The following FAM162A variants were observed in gnomAD, a reference collection of about 807,000 sequenced individuals.
FAM162A encodes the protein protein FAM162A.
In FAM162A, 23 loss-of-function variants were observed where a neutral mutation model predicts 21.8. That is an observed-to-expected ratio of 1.05 (90% CI 0.76 to 1.49). FAM162A has a LOEUF of 1.49. FAM162A is among the 40% of genes most tolerant of loss of function. The pLI is 0.00. For missense variants in FAM162A, 165 were observed against 186.4 expected, an observed-to-expected ratio of 0.89 and a Z score of 0.67; for synonymous variants, 53 against 61.3, an observed-to-expected ratio of 0.86 and a Z score of 0.64.
chr3:122,408,383 C>T (rs2075686331), intron 4 of FAM162A, among the ~76,000 whole-genome samples: 1 of 152,156 alleles, frequency 6.6e-6, no homozygotes, highest in Non-Finnish European at 1.5e-5. Context: ...TCACAGCTTC[C>T]ATGTGGAAAG....
At chr3:122,386,111 T>A (rs1197558258) in intron 1 of FAM162A, among the ~76,000 whole-genome samples, 2 of 152,216 alleles carry the variant, frequency 1.3e-5, no homozygotes, top group African/African-American at 4.8e-5. Context: ...TTGTCATGAC[T>A]AATTGGATCT....
chr3:122,410,003 C>T lies in FAM162A; in HGVS notation c.*172C>T. The T allele has an allele frequency of 1.5e-6, 1 of 682,646 alleles. No individual in the cohort carries two copies. Among genetic ancestry groups the T allele is most frequent in the Non-Finnish European group, 2.6e-6 (1 of 377,502 alleles). 42.3% of individuals were successfully genotyped at this position (682,646 alleles called of 1,614,324 possible). A position where few individuals can be genotyped will look rare whatever the true frequency, so the allele number is the denominator to read the frequency against. ...AGAAATAAATTTTCTTAAATAATGA[C>T]TGTGTTTTATTGTTTTGATCCAAGT... On this transcript the variant is annotated 3_prime_UTR_variant, in exon 5 of 5. Coordinates refer to ENST00000477892, the MANE Select transcript of FAM162A (RefSeq NM_014367.4).
intron 1 of FAM162A, among the ~76,000 whole-genome samples, chr3:122,393,872 TC>T (rs2075615369): frequency 1.3e-5 from 2 of 152,186 alleles, no homozygotes; most frequent in African/African-American, 4.8e-5. Flanking sequence ...ACATTTAGTC[TC>T]TGTCCGAGCA....
At chr3:122,397,894 A>G (rs1010419902) in intron 1 of FAM162A, among the ~76,000 whole-genome samples, 1 of 152,234 alleles carries the variant, frequency 6.6e-6, no homozygotes, top group Non-Finnish European at 1.5e-5. Flanking sequence ...TTTCTTTAAA[A>G]GAACCAGAGC....
rs567745462 is a variant in FAM162A at position 122,384,969 on chromosome 3, T to A, written c.34+670T>A. Among the ~76,000 whole-genome samples, 22 of 152,306 alleles carry A rather than the reference T, an allele frequency of 1.4e-4. No individual in the cohort carries two copies. The South Asian group carries it at 4.4e-3, about 30-fold the overall frequency. The stretch of plus-strand genomic sequence containing the variant: ...TTGGACTTAGGTAATGAAAGCTTAA[T>A]TCTTTTTTTTTGGGAGAACCAGCAG... On this transcript the variant is annotated intron_variant, in intron 1 of 4. Transcript: ENST00000477892.
intron 3 of FAM162A, among the ~76,000 whole-genome samples, chr3:122,405,847 A>AT (rs1324164613): frequency 6.6e-6 from 1 of 152,174 alleles, no homozygotes; most frequent in East Asian, 1.9e-4. Flanking sequence ...TCAACATGGG[A>AT]AGTCAGTTTG....
At chr3:122,400,973 ATATCT>A (rs1386617439) in intron 1 of FAM162A, among the ~76,000 whole-genome samples, 5 of 152,190 alleles carry the variant, frequency 3.3e-5, no homozygotes, top group Non-Finnish European at 7.3e-5. Flanking sequence ...TTATATCTTA[ATATCT>A]TAAATATGTT....
At position 122,410,323 on chromosome 3, in the gene FAM162A, G is replaced by A. The variant is rs2075699082; in HGVS notation, c.*492G>A. On this transcript the variant is annotated 3_prime_UTR_variant, in exon 5 of 5. Coordinates refer to ENST00000477892, the MANE Select transcript of FAM162A (RefSeq NM_014367.4). ...ACATTCTATAATCTTTGAACATGCTGGCAGATGGAGGCTTTTAGGAGAATA... is the reference window on the plus strand; with the variant it reads ...ACATTCTATAATCTTTGAACATGCTAGCAGATGGAGGCTTTTAGGAGAATA... 5.8e-6 allele frequency: 1 copy of A among 171,374 alleles called. No homozygotes were observed. The highest frequency in any genetic ancestry group is 5.9e-5 in the Admixed American group (1 of 17,026). 10.6% of individuals were successfully genotyped at this position (171,374 alleles called of 1,614,324 possible). A position where few individuals can be genotyped will look rare whatever the true frequency, so the allele number is the denominator to read the frequency against.
At chr3:122,395,685 A>C (rs2075623794) in intron 1 of FAM162A, among the ~76,000 whole-genome samples, 1 of 152,322 alleles carries the variant, frequency 6.6e-6, no homozygotes, top group African/African-American at 2.4e-5. Context: ...TGACAAGCTG[A>C]TCCTCAAATT....
intron 1 of FAM162A, among the ~76,000 whole-genome samples, chr3:122,391,107 ATGT>A (rs1365800553): frequency 2.6e-5 from 4 of 152,240 alleles, no homozygotes; most frequent in Non-Finnish European, 5.9e-5. Flanking sequence ...TTATGCTTTC[ATGT>A]TGTTATAATT....
At chr3:122,395,954 CTT>C (rs2075625104) in intron 1 of FAM162A, among the ~76,000 whole-genome samples, 9 of 152,160 alleles carry the variant, frequency 5.9e-5, no homozygotes, top group Admixed American at 5.9e-4. Flanking sequence ...AAAGAACAGT[CTT>C]TTAAACAAGT....
At position 122,412,164 on chromosome 3, in the gene FAM162A, C is replaced by T. The variant is rs1184242975; in HGVS notation, c.*2333C>T. The T allele has an allele frequency of 6.6e-6, 1 of 152,158 alleles. No homozygotes were observed. The highest frequency in any genetic ancestry group is 1.5e-5 in the Non-Finnish European group (1 of 68,040). 9.4% of individuals were successfully genotyped at this position (152,158 alleles called of 1,614,324 possible). A position where few individuals can be genotyped will look rare whatever the true frequency, so the allele number is the denominator to read the frequency against. ...AGGTACCACAAACTACAAAAGGAGA[C>T]AGTTTTGCCCTTGTTGCTTTCAGTT... On this transcript the variant is annotated 3_prime_UTR_variant, in exon 5 of 5. Transcript: ENST00000477892.
intron 2 of FAM162A, 104 bp from the exon 3 acceptor site, chr3:122,404,152 TTC>T (rs2075666318): frequency 4.7e-6 from 2 of 428,068 alleles, no homozygotes; most frequent in East Asian, 7.2e-5. Context: ...TTCTCAGTGT[TTC>T]TGTTTAGTGA....
chr3:122,411,595 C>CCCAGGCTAGAGTG lies in FAM162A; in HGVS notation c.*1766_*1778dup, dbSNP rs913270845. The CCCAGGCTAGAGTG allele has an allele frequency of 1.3e-5, 2 of 151,326 alleles. No individual in the cohort carries two copies. The highest frequency in any genetic ancestry group is 4.9e-5 in the African/African-American group (2 of 41,130). The allele number at this position is 151,326 out of a possible 1,614,324, so 9.4% of individuals were successfully genotyped here. A position where few individuals can be genotyped will look rare whatever the true frequency, so the allele number is the denominator to read the frequency against. On this transcript the variant is annotated 3_prime_UTR_variant, in exon 5 of 5. Coordinates refer to ENST00000477892, the MANE Select transcript of FAM162A (RefSeq NM_014367.4). Reference sequence around the variant, plus strand: ...TTTTTGAGACAGTCTTGCACTGTCGCCCAGGCTAGAGTGCAGGGCATGATC... The same window carrying CCCAGGCTAGAGTG: ...TTTTTGAGACAGTCTTGCACTGTCGCCCAGGCTAGAGTGCCAGGCTAGAGTGCAGGGCATGATC...
intron 4 of FAM162A, among the ~76,000 whole-genome samples, chr3:122,409,421 T>C (rs2075693016): frequency 6.6e-6 from 1 of 151,822 alleles, no homozygotes; most frequent in Non-Finnish European, 1.5e-5. Flanking sequence ...AGAAGGTATT[T>C]AGTATAAAAG....
intron 4 of FAM162A, among the ~76,000 whole-genome samples, chr3:122,408,700 G>A (rs1350020979): frequency 2.0e-5 from 3 of 152,138 alleles, no homozygotes; most frequent in African/African-American, 4.8e-5. Flanking sequence ...CATGTGGACA[G>A]GACTGTGAGC....
intron 1 of FAM162A, 49 bp from the exon 2 acceptor site, chr3:122,402,711 T>G: frequency 7.3e-7 from 1 of 1,363,456 alleles, no homozygotes; most frequent in Non-Finnish European, 9.8e-7. Flanking sequence ...TGAGAAAACA[T>G]CACATTTTCT....
chr3:122,402,693 T>C, intron 1 of FAM162A, 67 bp from the exon 2 acceptor site: 1 of 1,427,126 alleles, frequency 7.0e-7, no homozygotes, highest in South Asian at 1.6e-5. Flanking sequence ...TGCGGGTATT[T>C]CTTATTTTGA....
Position 122,411,451 on chromosome 3 carries a change from T to A in FAM162A, c.*1620T>A, listed in dbSNP as rs954200124. The A allele has an allele frequency of 1.3e-5, 2 of 152,238 alleles. No individual in the cohort carries two copies. Among genetic ancestry groups the A allele is most frequent in the Non-Finnish European group, 1.5e-5 (1 of 68,042 alleles). The allele number at this position is 152,238 out of a possible 1,614,324, so 9.4% of individuals were successfully genotyped here. ...ATGTGGATAAATTTTAATGTGGAAT[T>A]TCTTTTAAAAATAATCCTCTTCATA... On this transcript the variant is annotated 3_prime_UTR_variant, in exon 5 of 5. Coordinates refer to ENST00000477892, the MANE Select transcript of FAM162A (RefSeq NM_014367.4).
Sources: allele counts gnomAD v4.1 joint callset (sites outside exome capture counted in the v4.1 genomes callset), GRCh38; gene constraint gnomAD v4.1.1; transcripts MANE v1.5; gene names NCBI Gene and HGNC (gene_info 2026-07-23, HGNC 2026-07-21).